Variants in ANKRD35 observed in about 807,000 individuals in gnomAD.
ANKRD35 encodes ankyrin repeat domain 35.
In ANKRD35, 102 loss-of-function variants were observed where a neutral mutation model predicts 109.9. That is an observed-to-expected ratio of 0.93 (90% CI 0.79 to 1.09). ANKRD35 has a LOEUF of 1.09. Among genes scored for constraint, ANKRD35 ranks in the 50% least tolerant of loss-of-function variants. ANKRD35 has a pLI of 0.00. For synonymous variants in ANKRD35, 515 were observed against 512.4 expected, an observed-to-expected ratio of 1.01 and a Z score of -0.07; for missense variants, 1,240 against 1,230.1, an observed-to-expected ratio of 1.01 and a Z score of -0.12.
Position 145,868,341 on chromosome 1 carries a change from T to C in ANKRD35, c.2847A>G (p.Gly949=). The change falls in exon 11 of 14, where the codon GGA becomes GGG. Residue 949 remains glycine, a synonymous_variant. Coordinates refer to ENST00000355594, the MANE Select transcript of ANKRD35 (RefSeq NM_144698.5). ...QLSEEVLAIR[G]ENARLALQLQ... ...GCTGCAGGGCAAGGCGAGCATTTTC[T>C]CCCCGAATTGCTAGAACCTCTTCTG... 6.2e-7 allele frequency: 1 copy of C among 1,614,142 alleles called. No homozygotes were observed. Among genetic ancestry groups the C allele is most frequent in the Non-Finnish European group, 8.5e-7 (1 of 1,180,014 alleles).
At chr1:145,867,196 G>A (rs587672721) in intron 13 of ANKRD35, 91 bp downstream of exon 13, 50 of 842,768 alleles carry the variant, frequency 5.9e-5, no homozygotes, top group East Asian at 5.3e-4. Context: ...CAGCCACCAC[G>A]GGGGCAAAAG....
At chr1:145,883,243 C>G (rs1001306365) in intron 1 of ANKRD35, among the ~76,000 whole-genome samples, 1 of 152,098 alleles carries the variant, frequency 6.6e-6, no homozygotes, top group Non-Finnish European at 1.5e-5. Context: ...TGCCACCACA[C>G]CCGGCTAATT....
intron 10 of ANKRD35, among the ~76,000 whole-genome samples, chr1:145,870,387 C>T (rs1559171493): frequency 6.6e-6 from 1 of 152,076 alleles, no homozygotes; most frequent in Non-Finnish European, 1.5e-5. Flanking sequence ...CCACCGCACC[C>T]AGCCCCAAAT....
Position 145,876,876 on chromosome 1 carries a change from G to T in ANKRD35, c.325-3C>A. ...ACAGCATCTTCATTAGCACCATGCT[G>T]CAAATGGCCACAAAGGGAAGCAGCA... is the stretch of plus-strand genomic sequence containing the variant. On this transcript the variant is annotated splice_polypyrimidine_tract_variant and splice_region_variant and intron_variant, in intron 4 of 13. Coordinates refer to ENST00000355594, the MANE Select transcript of ANKRD35 (RefSeq NM_144698.5). The T allele has an allele frequency of 6.2e-7, 1 of 1,614,016 alleles. No individual in the cohort carries two copies. Among genetic ancestry groups the T allele is most frequent in the South Asian group, 1.1e-5 (1 of 91,080 alleles).
chr1:145,868,432 G>C, intron 10 of ANKRD35, 32 bp from the exon 11 acceptor site: 1 of 1,598,270 alleles, frequency 6.3e-7, no homozygotes, highest in East Asian at 2.2e-5. Flanking sequence ...CAACCAATGA[G>C]GCTCCAAGTC....
chr1:145,869,795 T>C (rs1553738281), intron 10 of ANKRD35, among the ~76,000 whole-genome samples: 1 of 152,106 alleles, frequency 6.6e-6, no homozygotes, highest in African/African-American at 2.4e-5. Flanking sequence ...ATCTACGTTT[T>C]GTAGATAAAG....
At position 145,872,846 on chromosome 1, in the gene ANKRD35, C is replaced by A; in HGVS notation, c.1923G>T (p.Leu641Phe). Reference sequence around the variant, plus strand: ...GGCTCAGGGACTGTAGCTCCCTCTGCAACCTCTGCCGCTCCCGCCCCAACT... The same window carrying A: ...GGCTCAGGGACTGTAGCTCCCTCTGAAACCTCTGCCGCTCCCGCCCCAACT... Reference protein sequence around the residue: ...LGELGRERQRLQRELQSLSQR... With the variant: ...LGELGRERQRFQRELQSLSQR... Residue 641 changes from leucine to phenylalanine, a missense_variant, in exon 10 of 14, where the codon TTG (leucine) becomes TTT (phenylalanine). Coordinates refer to ENST00000355594, the MANE Select transcript of ANKRD35 (RefSeq NM_144698.5). 6.2e-7 allele frequency: 1 copy of A among 1,614,136 alleles called. No homozygotes were observed. Among genetic ancestry groups the A allele is most frequent in the Non-Finnish European group, 8.5e-7 (1 of 1,180,030 alleles).
At position 145,872,275 on chromosome 1, in the gene ANKRD35, G is replaced by A. The variant is rs782820132; in HGVS notation, c.2494C>T (p.Leu832=). 5.0e-6 allele frequency: 8 copies of A among 1,612,104 alleles called. No homozygotes were observed. The Middle Eastern group carries it at 6.7e-4, about 134-fold the overall frequency. ...CCCCGAGTTTTCTCGTGTTGCCGTA[G>A]GCTGGCTGCCTCCCGGGCCCTTAGC... is the stretch of plus-strand genomic sequence containing the variant. ...AELRAREAAS[L]RQHEKTRGSL... The change falls in exon 10 of 14, where the codon CTA becomes TTA. Residue 832 remains leucine (L), a synonymous_variant. Coordinates refer to ENST00000355594, the MANE Select transcript of ANKRD35 (RefSeq NM_144698.5).
intron 1 of ANKRD35, among the ~76,000 whole-genome samples, chr1:145,882,540 C>T (rs1398711284): frequency 6.6e-6 from 1 of 151,616 alleles, no homozygotes; most frequent in African/African-American, 2.4e-5. Flanking sequence ...TGATCCTCCG[C>T]ACCTCAGCCT....
intron 1 of ANKRD35, among the ~76,000 whole-genome samples, chr1:145,883,315 C>T (rs1244871447): frequency 6.6e-6 from 1 of 152,098 alleles, no homozygotes; most frequent in Middle Eastern, 3.2e-3. Flanking sequence ...AAACTCCTGA[C>T]CTCAGGTGAT....
At chr1:145,876,920 T>C (rs1553740243) in intron 4 of ANKRD35, 47 bp from the exon 5 acceptor site, 3 of 1,602,848 alleles carry the variant, frequency 1.9e-6, no homozygotes, top group Non-Finnish European at 2.6e-6. Flanking sequence ...GGTGTTAACA[T>C]CCTCATCCCA....
At chr1:145,881,949 CTTTTTT>C (rs782253954) in intron 1 of ANKRD35, among the ~76,000 whole-genome samples, 15 of 104,646 alleles carry the variant, frequency 1.4e-4, no homozygotes, top group Non-Finnish European at 2.3e-4. Flanking sequence ...CTTTCCCCTT[CTTTTTT>C]TTTTTTTTTT....
chr1:145,866,858 A>G (rs1033025837), intron 13 of ANKRD35, 93 bp from the exon 14 acceptor site: 2 of 158,696 alleles, frequency 1.3e-5, no homozygotes, highest in Non-Finnish European at 2.8e-5. Flanking sequence ...ACCCTCATCT[A>G]TCTGGACTGG....
chr1:145,870,249 G>A (rs1229451973), intron 10 of ANKRD35, among the ~76,000 whole-genome samples: 2 of 151,472 alleles, frequency 1.3e-5, no homozygotes, highest in Non-Finnish European at 2.9e-5. Context: ...CCACCACCAC[G>A]CCCGGATAAT....
Position 145,877,998 on chromosome 1 carries a change from G to T in ANKRD35, c.294C>A (p.Cys98Ter), listed in dbSNP as rs1654144853. The T allele has an allele frequency of 6.2e-6, 10 of 1,613,958 alleles. No homozygotes were observed. Among genetic ancestry groups the T allele is most frequent in the South Asian group, 2.2e-5 (2 of 91,080 alleles). ...STALHLATIS[C>*]QPQCVKVLLQ... is the part of the protein sequence containing the mutation. ...GCAGAACCTTAACACACTGTGGCTG[G>T]CAGGAGATGGTGGCCAAGTGTAGGG... The change falls in exon 4 of 14, where the codon TGC becomes TGA. Residue 98 changes from cysteine (C) to a stop codon, truncating the protein, a stop_gained. Coordinates refer to ENST00000355594, the MANE Select transcript of ANKRD35 (RefSeq NM_144698.5). LOFTEE classifies it high-confidence loss of function.
Position 145,876,177 on chromosome 1 carries a change from G to A in ANKRD35, c.523C>T (p.Arg175Ter), listed in dbSNP as rs368079050. 10 of 1,613,802 alleles carry A rather than the reference G, an allele frequency of 6.2e-6. No individual in the cohort carries two copies. The highest frequency in any genetic ancestry group is 4.5e-5 in the East Asian group (2 of 44,888). The change falls in exon 7 of 14, where the codon CGA becomes TGA. Residue 175 changes from arginine to a stop codon, truncating the protein, a stop_gained. Coordinates refer to ENST00000355594, the MANE Select transcript of ANKRD35 (RefSeq NM_144698.5). LOFTEE classifies it high-confidence loss of function. ...HAAICSQLLQ[R>*]GARVNVTDKN... is the part of the protein sequence containing the mutation. The stretch of plus-strand genomic sequence containing the variant: ...TCTGTAACATTAACTCGGGCGCCTC[G>A]CTGCAGCAGCTGTGAGCAGATAGCT...
rs1654144396 is a variant in ANKRD35 at position 145,877,985 on chromosome 1, C to G, written c.307G>C (p.Val103Leu). ...GCTCTTACCTGAAGCAGAACCTTAA[C>G]ACACTGTGGCTGGCAGGAGATGGTG... is the stretch of plus-strand genomic sequence containing the variant. The part of the protein sequence containing the change: ...LATISCQPQC[V>L]KVLLQHGANE... The change falls in exon 4 of 14, where the codon GTT becomes CTT. Residue 103 changes from valine (V) to leucine (L), a missense_variant. Transcript: ENST00000355594. 6.2e-7 allele frequency: 1 copy of G among 1,614,106 alleles called. No homozygotes were observed. Among genetic ancestry groups the G allele is most frequent in the East Asian group, 2.2e-5 (1 of 44,880 alleles).
intron 11 of ANKRD35, 80 bp downstream of exon 11, chr1:145,868,231 T>C: frequency 6.6e-7 from 1 of 1,525,956 alleles, no homozygotes; most frequent in Admixed American, 1.7e-5. Context: ...CCTCAGTAAT[T>C]CCTAGAATGT....
rs782379025 is a variant in ANKRD35 at position 145,874,962 on chromosome 1, G to C, written c.605C>G (p.Ala202Gly). 50 of 1,612,328 alleles carry C rather than the reference G, an allele frequency of 3.1e-5. No homozygotes were observed. The highest frequency in any genetic ancestry group is 1.6e-4 in the Middle Eastern group (1 of 6,074). ...AGCTCCGTGGCTCAGGAGCAGTTCA[G>C]CCACCTCGGCACTGCCTTTCTCACA... ...LACEKGSAEV[A>G]ELLLSHGADA... The change falls in exon 8 of 14, where the codon GCT becomes GGT. Residue 202 changes from alanine to glycine, a missense_variant. Transcript: ENST00000355594.
Sources: gnomAD v4.1 joint callset for allele counts (sites outside exome capture counted in the v4.1 genomes callset) on GRCh38, gnomAD v4.1.1 for gene constraint, MANE v1.5 for transcripts, NCBI Gene and HGNC (gene_info 2026-07-23, HGNC 2026-07-21) for gene names.